Variants in DENND4C observed in about 807,000 individuals in gnomAD.
DENND4C encodes DENN domain-containing protein 4C.
In DENND4C, 108 loss-of-function variants were observed where a neutral mutation model predicts 203.0. The ratio of observed to expected loss-of-function variants is 0.53; its 90% CI spans 0.46 to 0.62. The LOEUF (loss-of-function observed/expected upper bound fraction) is 0.62, where lower values mean the gene tolerates loss of function less well. Ranked by LOEUF, DENND4C falls within the 20% of genes least tolerant of loss-of-function variation. The probability of loss-of-function intolerance (pLI) is 0.00; values close to 1 mark genes in which losing one functional copy is unlikely to be tolerated. For synonymous variants in DENND4C, 871 were observed against 792.4 expected, an observed-to-expected ratio of 1.10 and a Z score of -1.67; for missense variants, 2,481 against 2,301.2, an observed-to-expected ratio of 1.08 and a Z score of -1.60.
rs777616174 is a variant in DENND4C, at chr9:19,372,458, A to T, written c.*285A>T. On this transcript the variant is annotated 3_prime_UTR_variant, in exon 33 of 33. Transcript: ENST00000434457. ...ATTCTTCAGTATTTGTAGTAGTTTGATAGAAATAATGAGGAACCATATTCA... is the reference window on the plus strand; with the variant it reads ...ATTCTTCAGTATTTGTAGTAGTTTGTTAGAAATAATGAGGAACCATATTCA... The T allele has an allele frequency of 1.2e-4, 34 of 277,964 alleles. No homozygotes were observed. The highest frequency in any genetic ancestry group is 2.5e-4 in the South Asian group (2 of 7,988). The allele number at this position is 277,964 out of a possible 1,614,324, so 17.2% of individuals were successfully genotyped here.
chr9:19,316,978 C>T, intron 12 of DENND4C, 139 bp downstream of exon 12: 1 of 774,912 alleles, frequency 1.3e-6, no homozygotes, highest in Non-Finnish European at 1.9e-6. Context: ...TATTTGTAAC[C>T]TAGCTTTATG....
intron 12 of DENND4C, among the ~76,000 whole-genome samples, chr9:19,321,988 C>G (rs1215135538): frequency 6.6e-6 from 1 of 152,032 alleles, no homozygotes; most frequent in East Asian, 1.9e-4. Context: ...TAAAGGATAG[C>G]TGTTAAAGAG....
At chr9:19,319,292 GTATA>G (rs1157321958) in intron 12 of DENND4C, among the ~76,000 whole-genome samples, 1 of 139,804 alleles carries the variant, frequency 7.2e-6, no homozygotes. Flanking sequence ...ACATTTGTGT[GTATA>G]TATATACACA....
intron 10 of DENND4C, among the ~76,000 whole-genome samples, chr9:19,308,154 T>C (rs1179575558): frequency 1.3e-5 from 2 of 152,180 alleles, no homozygotes; most frequent in Non-Finnish European, 2.9e-5. Flanking sequence ...GCTGTTCTGA[T>C]CATCGTATAT....
Position 19,336,236 on chromosome 9 carries a change from A to G in DENND4C, c.2590-34A>G, listed in dbSNP as rs377216993. ...GTATTTTTAAAATCAGATATTGCTA[A>G]TGAACATTATTTTTACCCTTATTTT... On this transcript the variant is annotated intron_variant, in intron 18 of 32. Transcript: ENST00000434457. 18 of 1,595,726 alleles carry G rather than the reference A, an allele frequency of 1.1e-5. 1 individual carries two copies. The highest frequency in any genetic ancestry group is 8.1e-5 in the African/African-American group (6 of 74,078).
chr9:19,231,121 A>G (rs1345468151), intron 1 of DENND4C, among the ~76,000 whole-genome samples: 4 of 152,118 alleles, frequency 2.6e-5, no homozygotes, highest in Admixed American at 1.3e-4. Context: ...GGCCCATGAG[A>G]ATCGTTTGCG....
chr9:19,317,221 G>C (rs577794089), intron 12 of DENND4C, among the ~76,000 whole-genome samples: 1 of 138,418 alleles, frequency 7.2e-6, no homozygotes, highest in African/African-American at 2.7e-5. Flanking sequence ...GAGTCTTGCT[G>C]TGTTGGCCAG....
At chr9:19,326,734 G>T (rs73435141) in intron 15 of DENND4C, among the ~76,000 whole-genome samples, 2,358 of 152,126 alleles carry the variant, frequency 0.016, 55 homozygotes, top group African/African-American at 0.054. Flanking sequence ...CTTAACAATT[G>T]TAGGTATGTA....
intron 1 of DENND4C, among the ~76,000 whole-genome samples, chr9:19,241,568 A>C (rs1823733578): frequency 6.6e-6 from 1 of 151,048 alleles, no homozygotes; most frequent in African/African-American, 2.4e-5. Context: ...ATAAGCGCAC[A>C]CATTAGTCTA....
chr9:19,246,216 C>T (rs898462724), intron 1 of DENND4C, among the ~76,000 whole-genome samples: 4 of 152,110 alleles, frequency 2.6e-5, no homozygotes, highest in South Asian at 4.1e-4. Context: ...ACTTCAACCC[C>T]GATTACACTC....
intron 10 of DENND4C, among the ~76,000 whole-genome samples, chr9:19,308,819 TGTGACATATCA>T (rs887568685): frequency 3.9e-5 from 6 of 152,348 alleles, no homozygotes; most frequent in Middle Eastern, 6.8e-3. Flanking sequence ...CTAAACTTGA[TGTGACATATCA>T]GTTTCTACAT....
intron 1 of DENND4C, among the ~76,000 whole-genome samples, chr9:19,254,257 A>G (rs1827368106): frequency 6.6e-6 from 1 of 152,224 alleles, no homozygotes; most frequent in African/African-American, 2.4e-5. Flanking sequence ...AGGAAGTGAA[A>G]TCAGTAGATT....
chr9:19,342,825 A>G (rs1821951862), intron 22 of DENND4C, 46 bp downstream of exon 22: 6 of 1,445,438 alleles, frequency 4.2e-6, no homozygotes, highest in African/African-American at 1.5e-5. Flanking sequence ...ATATACTTTT[A>G]TAGACTCATA....
chr9:19,318,669 C>T (rs577959623), intron 12 of DENND4C, among the ~76,000 whole-genome samples: 1 of 152,282 alleles, frequency 6.6e-6, no homozygotes, highest in African/African-American at 2.4e-5. Context: ...CTTCTGAAGC[C>T]TCTTCCCTTG....
Position 19,230,799 on chromosome 9 carries a change from T to A in DENND4C, c.-52T>A, listed in dbSNP as rs1820310969. 1 of 152,410 alleles carries A rather than the reference T, an allele frequency of 6.6e-6. No individual in the cohort carries two copies. The highest frequency in any genetic ancestry group is 6.5e-5 in the Admixed American group (1 of 15,286). 9.4% of individuals were successfully genotyped at this position (152,410 alleles called of 1,614,324 possible). A position where few individuals can be genotyped will look rare whatever the true frequency, so the allele number is the denominator to read the frequency against. ...GCTTTCTTGCCCCAGGAAGAAGCCG[T>A]GTCGGGGCTGCGCTGACAGAGGAGC... On this transcript the variant is annotated 5_prime_UTR_variant, in exon 1 of 33. Transcript: ENST00000434457.
intron 1 of DENND4C, among the ~76,000 whole-genome samples, chr9:19,233,466 CTT>C (rs1350399710): frequency 6.6e-6 from 1 of 151,280 alleles, no homozygotes; most frequent in African/African-American, 2.4e-5. Context: ...AAATTTGAAA[CTT>C]AATATTTTGC....
chr9:19,340,224 C>T (rs1452047429), intron 20 of DENND4C, among the ~76,000 whole-genome samples: 1 of 152,134 alleles, frequency 6.6e-6, no homozygotes, highest in African/African-American at 2.4e-5. Context: ...AATACGTGTA[C>T]TGTACATAAA....
intron 1 of DENND4C, among the ~76,000 whole-genome samples, chr9:19,254,526 A>C (rs1457873019): frequency 6.6e-6 from 1 of 152,236 alleles, no homozygotes; most frequent in Non-Finnish European, 1.5e-5. Context: ...AATATGTGGA[A>C]TCCAACAAGT....
At chr9:19,332,222 T>A in intron 17 of DENND4C, 38 bp downstream of exon 17, 1 of 1,588,160 alleles carries the variant, frequency 6.3e-7, no homozygotes, top group Non-Finnish European at 8.6e-7. Context: ...TAAGGTAAAT[T>A]TTATTTTTGT....
Sources: allele counts gnomAD v4.1 joint callset (sites outside exome capture counted in the v4.1 genomes callset), GRCh38; gene constraint gnomAD v4.1.1; transcripts MANE v1.5; gene names NCBI Gene and HGNC (gene_info 2026-07-23, HGNC 2026-07-21).